The following PRRC2C variants were observed in gnomAD, a reference collection of about 807,000 sequenced individuals.
PRRC2C encodes the protein proline rich coiled-coil 2C.
In PRRC2C, 72 loss-of-function variants were observed where a neutral mutation model predicts 317.2. The ratio of observed to expected loss-of-function variants is 0.23; its 90% CI spans 0.19 to 0.28. The LOEUF (loss-of-function observed/expected upper bound fraction) is 0.28. Among genes scored for constraint, PRRC2C ranks in the 10% least tolerant of loss-of-function variants. The pLI is 1.00. For synonymous variants in PRRC2C, 1,296 were observed against 1,205.9 expected (o/e 1.07, Z -1.55); for missense variants, 3,074 against 3,459.7 (o/e 0.89, Z 2.80).
intron 1 of PRRC2C, chr1:171,511,770 T>C (rs1376228885): frequency 5.9e-6 from 1 of 168,886 alleles, no homozygotes; most frequent in Non-Finnish European, 1.3e-5. Context: ...CACTGTGTTT[T>C]AACTATTCAC....
At chr1:171,576,948 G>A (rs1232748844) in intron 25 of PRRC2C, among the ~76,000 whole-genome samples, 1 of 152,170 alleles carries the variant, frequency 6.6e-6, no homozygotes, top group Admixed American at 6.5e-5. Flanking sequence ...TTGCAGGAGA[G>A]AGAAATCCAG....
At chr1:171,569,433 T>A (rs1006686402) in intron 23 of PRRC2C, among the ~76,000 whole-genome samples, 1 of 151,346 alleles carries the variant, frequency 6.6e-6, no homozygotes, top group Non-Finnish European at 1.5e-5. Flanking sequence ...TGAAGGACTG[T>A]ACTAAATATG....
At chr1:171,504,887 T>A (rs1487695201) in intron 1 of PRRC2C, among the ~76,000 whole-genome samples, 1 of 152,170 alleles carries the variant, frequency 6.6e-6, no homozygotes, top group Non-Finnish European at 1.5e-5. Flanking sequence ...ATAATTGACA[T>A]CTTAATATTG....
At chr1:171,565,810 G>GT (rs572444047) in intron 20 of PRRC2C, among the ~76,000 whole-genome samples, 137 of 152,306 alleles carry the variant, frequency 9.0e-4, no homozygotes, top group African/African-American at 3.1e-3. Flanking sequence ...CAATCACAAA[G>GT]TTTTTATTAT....
intron 11 of PRRC2C, among the ~76,000 whole-genome samples, chr1:171,528,606 G>C (rs1675174721): frequency 6.6e-6 from 1 of 151,986 alleles, no homozygotes; most frequent in Non-Finnish European, 1.5e-5. Flanking sequence ...AATTCTTTTA[G>C]TGAACTATTT....
chr1:171,568,409 C>T, intron 23 of PRRC2C, 70 bp downstream of exon 23: 2 of 1,528,954 alleles, frequency 1.3e-6, no homozygotes, highest in Non-Finnish European at 1.8e-6. Context: ...CACATTATTT[C>T]ATGTTTTATT....
At chr1:171,529,179 A>G (rs1267600929) in intron 11 of PRRC2C, among the ~76,000 whole-genome samples, 1 of 152,016 alleles carries the variant, frequency 6.6e-6, no homozygotes, top group Non-Finnish European at 1.5e-5. Flanking sequence ...GGCCTCCTAC[A>G]CTTCGAGTGT....
intron 6 of PRRC2C, among the ~76,000 whole-genome samples, chr1:171,519,800 A>G (rs1571742890): frequency 6.6e-6 from 1 of 152,142 alleles, no homozygotes; most frequent in East Asian, 1.9e-4. Context: ...ATTCCTTCAT[A>G]TTGTTGATTT....
chr1:171,579,980 G>A lies in PRRC2C; in HGVS notation c.7409+16G>A. 1 of 1,485,332 alleles carries A rather than the reference G, an allele frequency of 6.7e-7. No individual in the cohort carries two copies. Among genetic ancestry groups the A allele is most frequent in the Non-Finnish European group, 9.0e-7 (1 of 1,116,776 alleles). The allele number at this position is 1,485,332 out of a possible 1,614,324, so 92.0% of individuals were successfully genotyped here. On this transcript the variant is annotated intron_variant, in intron 28 of 34. Coordinates refer to ENST00000647382, the MANE Select transcript of PRRC2C (RefSeq NM_001387844.1). ...AACCATATAGGTAAATGCTTTAAAA[G>A]TTATGTTTGTAATGATGTTGAAAAC...
In PRRC2C at chr1:171,551,304, A is replaced by C. The variant is rs58742444; in HGVS notation, c.5127+1064A>C. On this transcript the variant is annotated intron_variant, in intron 18 of 34. Transcript: ENST00000647382. ...GTTCATATCCTTTGCCCACTTTTTGATGGGGTTGTTTGATTTTTTCTTGTA... is the reference window on the plus strand; with the variant it reads ...GTTCATATCCTTTGCCCACTTTTTGCTGGGGTTGTTTGATTTTTTCTTGTA... Among the ~76,000 whole-genome samples the C allele has an allele frequency of 2.8e-4, 43 of 152,004 alleles. No individual in the cohort carries two copies. The East Asian group carries it at 5.8e-3, about 21-fold the overall frequency.
chr1:171,559,042 T>A (rs890559149), intron 19 of PRRC2C, among the ~76,000 whole-genome samples: 36 of 152,300 alleles, frequency 2.4e-4, no homozygotes, highest in Middle Eastern at 3.4e-3. Context: ...CTATCTCTAT[T>A]CAATTCTGTG....
At chr1:171,539,531 A>G (rs1378691489) in intron 15 of PRRC2C, among the ~76,000 whole-genome samples, 1 of 152,008 alleles carries the variant, frequency 6.6e-6, no homozygotes, top group Non-Finnish European at 1.5e-5. Context: ...TATTATACCT[A>G]TACCTATATT....
At chr1:171,589,308 GTT>G (rs11284338) in intron 33 of PRRC2C, 59 bp from the exon 34 acceptor site, 20,619 of 441,758 alleles carry the variant, frequency 0.047, 180 homozygotes, top group African/African-American at 0.11. Context: ...CTAGTTGGCA[GTT>G]TTTTTTTTTT....
intron 32 of PRRC2C, 48 bp downstream of exon 32, chr1:171,587,799 A>G (rs1005321543): frequency 4.6e-6 from 6 of 1,295,048 alleles, no homozygotes; most frequent in Non-Finnish European, 6.7e-6. Context: ...TTTGGTCACT[A>G]TTTGTTAAAT....
intron 1 of PRRC2C, among the ~76,000 whole-genome samples, chr1:171,487,047 A>G (rs1378914516): frequency 2.0e-5 from 3 of 152,174 alleles, no homozygotes; most frequent in Non-Finnish European, 4.4e-5. Context: ...CCTTTTCTGT[A>G]AGTGGATTTT....
chr1:171,497,382 A>T (rs1225531088), intron 1 of PRRC2C, among the ~76,000 whole-genome samples: 1 of 152,140 alleles, frequency 6.6e-6, no homozygotes. Context: ...AAATTACTTT[A>T]CTTCTCTAAG....
At chr1:171,523,026 T>A (rs1390667452) in intron 7 of PRRC2C, among the ~76,000 whole-genome samples, 195 bp from the exon 8 acceptor site, 1 of 152,200 alleles carries the variant, frequency 6.6e-6, no homozygotes, top group Non-Finnish European at 1.5e-5. Flanking sequence ...TGTCAGCTGT[T>A]ACTTAAGAGT....
At chr1:171,571,454 A>T in intron 24 of PRRC2C, 33 bp downstream of exon 24, 1 of 1,459,624 alleles carries the variant, frequency 6.9e-7, no homozygotes, top group South Asian at 1.1e-5. Flanking sequence ...AGAGTCCTTA[A>T]TTGTTGCATG....
At chr1:171,517,963 T>A in intron 6 of PRRC2C, 149 bp downstream of exon 6, 1 of 679,946 alleles carries the variant, frequency 1.5e-6, no homozygotes, top group African/African-American at 1.8e-5. Flanking sequence ...TGGTATATTG[T>A]GAGAAGGGAC....
Sources: allele counts gnomAD v4.1 joint callset (sites outside exome capture counted in the v4.1 genomes callset), GRCh38; gene constraint gnomAD v4.1.1; transcripts MANE v1.5; gene names NCBI Gene and HGNC (gene_info 2026-07-23, HGNC 2026-07-21).